Variants in VWA3B observed in about 807,000 individuals in gnomAD.
The protein encoded by VWA3B is von Willebrand factor A domain containing 3B.
Under a neutral mutation model 158.3 loss-of-function variants are expected in VWA3B, and 138 were observed. The ratio of observed to expected loss-of-function variants is 0.87; its 90% CI spans 0.76 to 1.00. The LOEUF (loss-of-function observed/expected upper bound fraction) is 1.00, where lower values mean the gene tolerates loss of function less well. Ranked by LOEUF, VWA3B falls within the 50% of genes least tolerant of loss-of-function variation. The probability of loss-of-function intolerance (pLI) is 0.00; values close to 1 mark genes in which losing one functional copy is unlikely to be tolerated. For missense variants in VWA3B, 1,555 were observed against 1,565.1 expected (o/e 0.99, Z 0.11); for synonymous variants, 596 against 587.3 (o/e 1.01, Z -0.21).
At chr2:98,203,620 T>C (rs1465225628) in intron 12 of VWA3B, among the ~76,000 whole-genome samples, 3 of 152,238 alleles carry the variant, frequency 2.0e-5, no homozygotes, top group Non-Finnish European at 4.4e-5. Context: ...AATTTTATAA[T>C]TTCAGCATGC....
In VWA3B at chr2:98,188,041, G is replaced by A. The variant is rs2105391220; in HGVS notation, c.1378G>A (p.Gly460Arg). The change falls in exon 10 of 28, where the codon GGG becomes AGG. Residue 460 changes from glycine (G) to arginine (R), a missense_variant. Coordinates refer to ENST00000477737, the MANE Select transcript of VWA3B (RefSeq NM_144992.5). The stretch of plus-strand genomic sequence containing the variant: ...GTTTGTCCATGCTCCCTGGAAGGAT[G>A]GGAGCTTGGTCCACGTCAACATTAC... ...SRFVHAPWKDGSLVHVNITKE... is the reference protein window; with the variant it reads ...SRFVHAPWKDRSLVHVNITKE... The A allele has an allele frequency of 1.2e-6, 2 of 1,614,048 alleles. No individual in the cohort carries two copies. Among genetic ancestry groups the A allele is most frequent in the Non-Finnish European group, 1.7e-6 (2 of 1,180,002 alleles).
intron 10 of VWA3B, among the ~76,000 whole-genome samples, chr2:98,189,711 CTGTTT>C (rs1681417563): frequency 1.3e-5 from 2 of 152,014 alleles, no homozygotes; most frequent in Non-Finnish European, 2.9e-5. Context: ...CATTTCAGTT[CTGTTT>C]TTTCTTCATG....
At chr2:98,130,612 A>G (rs916874893) in intron 6 of VWA3B, among the ~76,000 whole-genome samples, 1 of 151,632 alleles carries the variant, frequency 6.6e-6, no homozygotes, top group African/African-American at 2.4e-5. Flanking sequence ...GCTGCCTTCA[A>G]GCATCTGTTT....
chr2:98,289,734 C>T (rs1260045568), intron 22 of VWA3B, among the ~76,000 whole-genome samples: 3 of 152,174 alleles, frequency 2.0e-5, no homozygotes, highest in Non-Finnish European at 2.9e-5. Flanking sequence ...CCCTTTACCG[C>T]TCACTGTTCT....
At chr2:98,108,284 C>G (rs1047106693) in intron 2 of VWA3B, among the ~76,000 whole-genome samples, 11 of 152,132 alleles carry the variant, frequency 7.2e-5, no homozygotes, top group Middle Eastern at 3.4e-3. Flanking sequence ...CAAATATGTG[C>G]TTTGTTTTGT....
chr2:98,180,143 C>G (rs951278465), intron 8 of VWA3B, among the ~76,000 whole-genome samples: 1 of 149,544 alleles, frequency 6.7e-6, no homozygotes, highest in Non-Finnish European at 1.5e-5. Context: ...CCCTCCCTCC[C>G]TTTCTCTCTT....
rs537942215 is a variant in VWA3B at position 98,299,935 on chromosome 2, C to G, written c.3283-144C>G. 395 of 1,153,140 alleles carry G rather than the reference C, an allele frequency of 3.4e-4. 1 individual carries two copies. Among genetic ancestry groups the G allele is most frequent in the South Asian group, 3.2e-3 (218 of 67,698 alleles). 71.4% of individuals were successfully genotyped at this position (1,153,140 alleles called of 1,614,324 possible). ...AATGAGCCCAGAGAATCTTGGAACT[C>G]TTTCTTAACTGAGAAAAAAAATATC... is the stretch of plus-strand genomic sequence containing the variant. On this transcript the variant is annotated intron_variant, in intron 24 of 27. Coordinates refer to ENST00000477737, the MANE Select transcript of VWA3B (RefSeq NM_144992.5).
In VWA3B at chr2:98,312,296, C is replaced by G. The variant is rs776464935; in HGVS notation, c.3832C>G (p.Leu1278Val). Residue 1278 changes from leucine (L) to valine (V), a missense_variant, in exon 28 of 28, where the codon CTC becomes GTC. Transcript: ENST00000477737. ...PPPRAALPCTLQATHSSKGLR... is the reference protein window; with the variant it reads ...PPPRAALPCTVQATHSSKGLR... ...ACCTCGAGCAGCCCTGCCCTGTACT[C>G]TCCAAGCCACCCACAGCAGCAAAGG... 9 of 1,614,000 alleles carry G rather than the reference C, an allele frequency of 5.6e-6. No individual in the cohort carries two copies. The highest frequency in any genetic ancestry group is 1.6e-4 in the Middle Eastern group (1 of 6,084).
intron 14 of VWA3B, among the ~76,000 whole-genome samples, chr2:98,221,465 C>T (rs1574120825): frequency 6.6e-6 from 1 of 152,200 alleles, no homozygotes; most frequent in South Asian, 2.1e-4. Flanking sequence ...GTTAATCTTT[C>T]ACCCACTCTC....
At chr2:98,297,120 C>T (rs1406418494) in intron 23 of VWA3B, among the ~76,000 whole-genome samples, 4 of 149,110 alleles carry the variant, frequency 2.7e-5, no homozygotes, top group Non-Finnish European at 3.0e-5. Flanking sequence ...TTGCTTTTGT[C>T]GCCCAGGCTG....
rs1299447195 is a variant in VWA3B, at chr2:98,188,081, A to G, written c.1418A>G (p.Lys473Arg). The stretch of plus-strand genomic sequence containing the variant: ...GTCAACATTACCAAAGAGAAGTGCA[A>G]GTGGTACAGTGAGAGAATCCACACA... The part of the protein sequence containing the change: ...VHVNITKEKC[K>R]WYSERIHTAL... Residue 473 changes from lysine (K) to arginine (R), a missense_variant, in exon 10 of 28, where the codon AAG becomes AGG. By Grantham distance (26) the Lys-to-Arg change is conservative (BLOSUM62 2). Coordinates refer to ENST00000477737, the MANE Select transcript of VWA3B (RefSeq NM_144992.5). 6.2e-7 allele frequency: 1 copy of G among 1,613,988 alleles called. No homozygotes were observed. The highest frequency in any genetic ancestry group is 1.3e-5 in the African/African-American group (1 of 75,044).
the VWA3B span, among the ~76,000 whole-genome samples, chr2:98,325,351 C>T: frequency 3.9e-5 from 6 of 152,150 alleles, no homozygotes; most frequent in Non-Finnish European, 7.4e-5. Context: ...CCTATAAAGG[C>T]GATGCCCCTG....
At chr2:98,106,064 C>T (rs1284503525) in intron 2 of VWA3B, among the ~76,000 whole-genome samples, 1 of 151,982 alleles carries the variant, frequency 6.6e-6, no homozygotes, top group African/African-American at 2.4e-5. Flanking sequence ...TACAGGCGAC[C>T]ACCACCATGC....
At chr2:98,129,258 TGGAGAGAGA>T (rs1559556672) in intron 6 of VWA3B, among the ~76,000 whole-genome samples, 7 of 135,234 alleles carry the variant, frequency 5.2e-5, no homozygotes, top group Non-Finnish European at 8.1e-5. Context: ...TGTGTGTGTG[TGGAGAGAGA>T]GGGAGGAGAG....
At chr2:98,098,256 C>A (rs1682849444) in intron 2 of VWA3B, among the ~76,000 whole-genome samples, 1 of 152,066 alleles carries the variant, frequency 6.6e-6, no homozygotes, top group South Asian at 2.1e-4. Flanking sequence ...TTAAATCTAA[C>A]ATTTTCTGGT....
chr2:98,128,168 T>TA, intron 5 of VWA3B, 71 bp from the exon 6 acceptor site: 1 of 1,544,396 alleles, frequency 6.5e-7, no homozygotes. Flanking sequence ...GTAGAATGGG[T>TA]ATTACTGATG....
At chr2:98,308,872 C>G (rs1690703055) in intron 26 of VWA3B, among the ~76,000 whole-genome samples, 1 of 152,190 alleles carries the variant, frequency 6.6e-6, no homozygotes, top group South Asian at 2.1e-4. Context: ...TTCAAGACTC[C>G]TCCTTAAGAA....
chr2:98,255,501 T>C (rs1430786580), intron 20 of VWA3B, among the ~76,000 whole-genome samples: 1 of 152,010 alleles, frequency 6.6e-6, no homozygotes, highest in Non-Finnish European at 1.5e-5. Flanking sequence ...AGAGCAGCTA[T>C]AGCTACCCTG....
intron 2 of VWA3B, among the ~76,000 whole-genome samples, chr2:98,113,662 A>G (rs138705237): frequency 1.3e-5 from 2 of 151,936 alleles, no homozygotes; most frequent in East Asian, 3.9e-4. Context: ...TATCACCTCA[A>G]AAAGAAACTC....
Sources: gnomAD v4.1 joint callset for allele counts (sites outside exome capture counted in the v4.1 genomes callset) on GRCh38, gnomAD v4.1.1 for gene constraint, MANE v1.5 for transcripts, NCBI Gene and HGNC (gene_info 2026-07-23, HGNC 2026-07-21) for gene names.